Variants in DLEC1 observed in about 807,000 individuals in gnomAD.
DLEC1 encodes the protein deleted in lung and esophageal cancer protein 1.
In DLEC1, 146 loss-of-function variants were observed where a neutral mutation model predicts 198.1. That is an observed-to-expected ratio of 0.74 (90% CI 0.64 to 0.85). DLEC1 has a LOEUF of 0.85. DLEC1 is among the 40% of genes least tolerant of loss of function. The probability of loss-of-function intolerance (pLI) is 0.00; values close to 1 mark genes in which losing one functional copy is unlikely to be tolerated. For missense variants in DLEC1, 2,233 were observed against 2,220.0 expected (o/e 1.01, Z -0.12); for synonymous variants, 897 against 866.8 (o/e 1.03, Z -0.61).
chr3:38,064,582 G>A (rs981316649), intron 6 of DLEC1, among the ~76,000 whole-genome samples: 2 of 151,290 alleles, frequency 1.3e-5, no homozygotes, highest in African/African-American at 4.9e-5. Flanking sequence ...CCCGGACGGG[G>A]CGGCCGGGCA....
intron 12 of DLEC1, 62 bp from the exon 13 acceptor site, chr3:38,094,817 G>C: frequency 6.4e-7 from 1 of 1,574,632 alleles, no homozygotes; most frequent in Non-Finnish European, 8.7e-7. Flanking sequence ...AGGGAGGCAT[G>C]GGGTGGAGGG....
At position 38,059,769 on chromosome 3, in the gene DLEC1, A is replaced by G; in HGVS notation, c.590A>G (p.Asp197Gly). 2 of 1,614,118 alleles carry G rather than the reference A, an allele frequency of 1.2e-6. No homozygotes were observed. Among genetic ancestry groups the G allele is most frequent in the African/African-American group, 1.3e-5 (1 of 75,024 alleles). ...AAGAGTGTCTCCAGATGGTGTATAG[A>G]CAGCGAGTTGCTACGGAAACATCAT... ...PVKSVSRWCI[D>G]SELLRKHHLI... The change falls in exon 3 of 37, where the codon GAC becomes GGC. Residue 197 changes from aspartate (D) to glycine (G), a missense_variant. Coordinates refer to ENST00000308059, the MANE Select transcript of DLEC1 (RefSeq NM_007335.4).
At chr3:38,057,134 G>T (rs1460585298) in intron 2 of DLEC1, among the ~76,000 whole-genome samples, 2 of 152,210 alleles carry the variant, frequency 1.3e-5, no homozygotes, top group Non-Finnish European at 2.9e-5. Flanking sequence ...ATCATTAGGG[G>T]AATGGATAGG....
In DLEC1 at chr3:38,098,517, G is replaced by A. The variant is rs534985560; in HGVS notation, c.2724+615G>A. On this transcript the variant is annotated intron_variant, in intron 18 of 36. Coordinates refer to ENST00000308059, the MANE Select transcript of DLEC1 (RefSeq NM_007335.4). ...ACTCGCAAAATGCCCGCAGTGAGTC[G>A]TACATCACCGCCCCTTCACCACGGC... 5.3e-5 allele frequency among the ~76,000 whole-genome samples: 8 copies of A among 152,180 alleles called. No individual in the cohort carries two copies. The South Asian group carries it at 6.2e-4, about 12-fold the overall frequency.
At chr3:38,039,971 T>G (rs980669706) in intron 1 of DLEC1, among the ~76,000 whole-genome samples, 13 of 152,184 alleles carry the variant, frequency 8.5e-5, no homozygotes, top group Non-Finnish European at 4.4e-5. Flanking sequence ...AAGCCAAAAG[T>G]CACCCGGCTT....
intron 34 of DLEC1, 23 bp downstream of exon 34, chr3:38,120,632 T>C (rs767564038): frequency 2.5e-6 from 4 of 1,611,874 alleles, no homozygotes; most frequent in Non-Finnish European, 2.5e-6. Context: ...CCCACCTACA[T>C]GTGGAGGAGG....
intron 34 of DLEC1, among the ~76,000 whole-genome samples, chr3:38,121,243 G>A (rs1013898063): frequency 6.6e-6 from 1 of 152,246 alleles, no homozygotes; most frequent in African/African-American, 2.4e-5. Flanking sequence ...AGATAGAGGA[G>A]GGCACAGGTG....
intron 27 of DLEC1, among the ~76,000 whole-genome samples, chr3:38,115,837 G>A (rs1293940229): frequency 6.6e-6 from 1 of 152,134 alleles, no homozygotes; most frequent in African/African-American, 2.4e-5. Context: ...TCATGGTGCA[G>A]GCTGGAGAGA....
intron 10 of DLEC1, among the ~76,000 whole-genome samples, chr3:38,090,669 A>G (rs924089012): frequency 1.5e-4 from 23 of 152,246 alleles, no homozygotes; most frequent in African/African-American, 5.3e-4. Flanking sequence ...TTGTGCCCTC[A>G]TAATTGTAAG....
rs1559471590 is a variant in DLEC1 at position 38,122,350 on chromosome 3, A to C, written c.5206A>C (p.Thr1736Pro). 2.5e-6 allele frequency: 4 copies of C among 1,613,982 alleles called. No individual in the cohort carries two copies. The highest frequency in any genetic ancestry group is 3.4e-6 in the Non-Finnish European group (4 of 1,179,976). The change falls in exon 37 of 37, where the codon ACC becomes CCC. Residue 1736 changes from threonine to proline, a missense_variant. Physicochemically the swap from Thr to Pro is conservative, Grantham distance 38. Coordinates refer to ENST00000308059, the MANE Select transcript of DLEC1 (RefSeq NM_007335.4). ...AGGTGTGCTCGGTGAGAAGTCCTGC[A>C]CCCTGCGGCTCCGGGGCCAAGGCTC... ...VEGVLGEKSC[T>P]LRLRGQGSYD...
At chr3:38,063,259 A>T (rs1398820471) in intron 5 of DLEC1, among the ~76,000 whole-genome samples, 3 of 152,212 alleles carry the variant, frequency 2.0e-5, no homozygotes, top group Admixed American at 2.0e-4. Flanking sequence ...AAAACTATTA[A>T]CATTTCTTTA....
In DLEC1 at chr3:38,117,307, G is replaced by A; in HGVS notation, c.4400+5G>A. 6.2e-7 allele frequency: 1 copy of A among 1,613,812 alleles called. No individual in the cohort carries two copies. The highest frequency in any genetic ancestry group is 1.3e-5 in the African/African-American group (1 of 75,040). The stretch of plus-strand genomic sequence containing the variant: ...TAGCTACGTGAGGCCTGCACAGTGA[G>A]TCAGCTGGGGTGCCCCATCTCCTTT... On this transcript the variant is annotated splice_donor_5th_base_variant and intron_variant, in intron 31 of 36. Transcript: ENST00000308059.
rs775432505 is a variant in DLEC1, at chr3:38,117,569, G to C, written c.4443G>C (p.Gln1481His). The C allele has an allele frequency of 1.2e-6, 2 of 1,614,172 alleles. No homozygotes were observed. The highest frequency in any genetic ancestry group is 1.7e-6 in the Non-Finnish European group (2 of 1,179,998). ...ELDYGGSMEF[Q>H]CQASDLIPEQ... ...ACTACGGCGGCAGTATGGAATTCCA[G>C]TGCCAGGCCAGTGACCTCATTCCCG... Residue 1481 changes from glutamine to histidine, a missense_variant, in exon 32 of 37, where the codon CAG (glutamine) becomes CAC (histidine). Coordinates refer to ENST00000308059, the MANE Select transcript of DLEC1 (RefSeq NM_007335.4).
chr3:38,114,499 C>G, intron 26 of DLEC1, 39 bp downstream of exon 26: 4 of 1,598,698 alleles, frequency 2.5e-6, no homozygotes, highest in South Asian at 1.1e-5. Flanking sequence ...TCCCTGGTAG[C>G]CCCTGAAACC....
chr3:38,117,678 G>A lies in DLEC1; in HGVS notation c.4485+67G>A, dbSNP rs959577673. 15 of 1,609,162 alleles carry A rather than the reference G, an allele frequency of 9.3e-6. No homozygotes were observed. The African/African-American group carries it at 1.9e-4, about 20-fold the overall frequency. ...ACCTCAGATGTCTCTGTGTGCCCTTGTGGGACTCAGGCCTTATAGTCTGAG... is the reference window on the plus strand; with the variant it reads ...ACCTCAGATGTCTCTGTGTGCCCTTATGGGACTCAGGCCTTATAGTCTGAG... On this transcript the variant is annotated intron_variant, in intron 32 of 36. Transcript: ENST00000308059.
intron 4 of DLEC1, 92 bp downstream of exon 4, chr3:38,062,460 A>G: frequency 6.3e-7 from 1 of 1,583,686 alleles, no homozygotes; most frequent in Non-Finnish European, 8.6e-7. Flanking sequence ...GCTGTGATGA[A>G]TCCATCGCAA....
chr3:38,082,709 G>A (rs1387918199), intron 6 of DLEC1, among the ~76,000 whole-genome samples: 1 of 151,894 alleles, frequency 6.6e-6, no homozygotes, highest in African/African-American at 2.4e-5. Flanking sequence ...AAGGGGTTGG[G>A]GTACTTGCCC....
chr3:38,076,886 C>A (rs966885382), intron 6 of DLEC1, among the ~76,000 whole-genome samples: 1 of 152,034 alleles, frequency 6.6e-6, no homozygotes, highest in Non-Finnish European at 1.5e-5. Flanking sequence ...GCGTGGGAAC[C>A]TAGAGTGGGA....
At position 38,066,423 on chromosome 3, in the gene DLEC1, A is replaced by C. The variant is rs1035902694; in HGVS notation, c.1173+2504A>C. Among the ~76,000 whole-genome samples the C allele has an allele frequency of 1.9e-4, 29 of 152,136 alleles. 1 individual carries two copies. The highest frequency in any genetic ancestry group is 1.5e-5 in the Non-Finnish European group (1 of 68,016). ...ACTCTCCTGATATCTATAGGTAACT[A>C]TTTCTATTAGTTTGCATTCTTCCAT... On this transcript the variant is annotated intron_variant, in intron 6 of 36. Transcript: ENST00000308059.
Sources: gnomAD v4.1 joint callset for allele counts (sites outside exome capture counted in the v4.1 genomes callset) on GRCh38, gnomAD v4.1.1 for gene constraint, MANE v1.5 for transcripts, NCBI Gene and HGNC (gene_info 2026-07-23, HGNC 2026-07-21) for gene names.